Variants in ARHGEF12 observed in about 807,000 individuals in gnomAD.
The protein encoded by ARHGEF12 is Rho guanine nucleotide exchange factor 12.
In ARHGEF12, 66 loss-of-function variants were observed where a neutral mutation model predicts 211.2. That is an observed-to-expected ratio of 0.31 (90% CI 0.26 to 0.38). The LOEUF (loss-of-function observed/expected upper bound fraction) is 0.38. ARHGEF12 is among the 10% of genes least tolerant of loss of function. ARHGEF12 has a pLI of 1.00. For synonymous variants in ARHGEF12, 592 were observed against 638.4 expected (o/e 0.93, Z 1.09); for missense variants, 1,429 against 1,869.5 (o/e 0.76, Z 4.34).
At chr11:120,345,398 A>G (rs1368504592) in intron 1 of ARHGEF12, among the ~76,000 whole-genome samples, 1 of 152,228 alleles carries the variant, frequency 6.6e-6, no homozygotes, top group Non-Finnish European at 1.5e-5. Flanking sequence ...GAAAGTGAGC[A>G]AACTGATAGA....
At chr11:120,423,953 G>T (rs1302819516) in intron 6 of ARHGEF12, among the ~76,000 whole-genome samples, 1 of 152,098 alleles carries the variant, frequency 6.6e-6, no homozygotes, top group Admixed American at 6.5e-5. Context: ...AAAGCAAATT[G>T]AATATTGTGG....
chr11:120,460,530 A>G, intron 26 of ARHGEF12, 142 bp from the exon 27 acceptor site: 1 of 592,174 alleles, frequency 1.7e-6, no homozygotes, highest in Non-Finnish European at 2.9e-6. Flanking sequence ...CTATGTCCAG[A>G]TTTATATTTA....
intron 1 of ARHGEF12, among the ~76,000 whole-genome samples, chr11:120,386,576 C>G (rs1944034696): frequency 6.6e-6 from 1 of 152,016 alleles, no homozygotes. Flanking sequence ...TTACATTATG[C>G]TAGGTTCTTT....
At chr11:120,453,538 G>A (rs1389617008) in intron 22 of ARHGEF12, among the ~76,000 whole-genome samples, 1 of 152,126 alleles carries the variant, frequency 6.6e-6, no homozygotes, top group Non-Finnish European at 1.5e-5. Context: ...AGGGCAACAT[G>A]AAAAGACTGT....
chr11:120,481,994 CG>C (rs1947258062), intron 39 of ARHGEF12, among the ~76,000 whole-genome samples: 1 of 152,100 alleles, frequency 6.6e-6, no homozygotes, highest in Non-Finnish European at 1.5e-5. Context: ...CTCCTGACCT[CG>C]TGATCCGCCT....
chr11:120,432,823 G>T (rs574908570), intron 11 of ARHGEF12, among the ~76,000 whole-genome samples: 88 of 152,268 alleles, frequency 5.8e-4, no homozygotes, highest in African/African-American at 2.0e-3. Flanking sequence ...GGAAGCCGTG[G>T]TCTAAGCCAT....
In ARHGEF12 at chr11:120,441,707, A is replaced by G; in HGVS notation, c.1093A>G (p.Ile365Val). ...DDDFGTEHEQ[I>V]NGQCSCFQSI... ...GATGCATAATCATTTCTTCCTCTAG[A>G]TCAATGGACAGTGCAGCTGTTTCCA... is the stretch of plus-strand genomic sequence containing the variant. The change falls in exon 14 of 41, where the codon ATC (isoleucine) becomes GTC (valine). Residue 365 changes from isoleucine to valine, a missense_variant and splice_region_variant. This residue lies in a region of ARHGEF12 where 254 missense variants were observed against 286.4 expected (regional missense o/e 0.89). Coordinates refer to ENST00000397843, the MANE Select transcript of ARHGEF12 (RefSeq NM_015313.3). 1.2e-6 allele frequency: 2 copies of G among 1,612,600 alleles called. No individual in the cohort carries two copies. Among genetic ancestry groups the G allele is most frequent in the South Asian group, 1.1e-5 (1 of 90,922 alleles).
At chr11:120,484,675 A>G (rs529376402) in intron 40 of ARHGEF12, among the ~76,000 whole-genome samples, 168 bp downstream of exon 40, 68 of 152,214 alleles carry the variant, frequency 4.5e-4, no homozygotes, top group African/African-American at 1.6e-3. Context: ...ATGCCTGCTG[A>G]CTCTACTCTT....
intron 1 of ARHGEF12, among the ~76,000 whole-genome samples, chr11:120,393,824 C>T (rs140653464): frequency 3.0e-3 from 460 of 151,446 alleles, no homozygotes; most frequent in African/African-American, 0.01. Flanking sequence ...GATTTAATTA[C>T]ATTTTTGGAA....
rs373418951 is a variant in ARHGEF12, at chr11:120,431,685, T to C, written c.784-86T>C. On this transcript the variant is annotated intron_variant, in intron 10 of 40. Transcript: ENST00000397843. ...CTTTTAGTAGTCTCCATGTAGATTGTAGTACCACTATTTCTTTATGCAGCA... is the reference window on the plus strand; with the variant it reads ...CTTTTAGTAGTCTCCATGTAGATTGCAGTACCACTATTTCTTTATGCAGCA... 97 of 1,374,160 alleles carry C rather than the reference T, an allele frequency of 7.1e-5. No homozygotes were observed. The East Asian group carries it at 1.6e-3, about 23-fold the overall frequency. The allele number at this position is 1,374,160 out of a possible 1,614,324, so 85.1% of individuals were successfully genotyped here.
intron 28 of ARHGEF12, among the ~76,000 whole-genome samples, chr11:120,466,098 G>T (rs751177212): frequency 6.6e-6 from 1 of 152,178 alleles, no homozygotes; most frequent in Non-Finnish European, 1.5e-5. Context: ...AAACATGGCC[G>T]CTTGACAGAT....
rs114326719 is a variant in ARHGEF12, at chr11:120,372,459, A to G, written c.33-33659A>G. Among the ~76,000 whole-genome samples, 623 of 152,236 alleles carry G rather than the reference A, an allele frequency of 4.1e-3. 8 individuals carry two copies. The highest frequency in any genetic ancestry group is 0.014 in the African/African-American group (563 of 41,542). Reference sequence around the variant, plus strand: ...ACCCTGTCATATACTGGCCCAGTACAAAGTTCTTTCTGACAAGCCTTTCTA... The same window carrying G: ...ACCCTGTCATATACTGGCCCAGTACGAAGTTCTTTCTGACAAGCCTTTCTA... On this transcript the variant is annotated intron_variant, in intron 1 of 40. Transcript: ENST00000397843.
In ARHGEF12 at chr11:120,367,404, C is replaced by T. The variant is rs565053704; in HGVS notation, c.32+30129C>T. On this transcript the variant is annotated intron_variant, in intron 1 of 40. Transcript: ENST00000397843. ...TTTTTGAGGTGGAGTCTCGCTCTGT[C>T]GCCCAGGCTGGAGTACAGTGGTGTG... Among the ~76,000 whole-genome samples the T allele has an allele frequency of 7.5e-3, 775 of 103,498 alleles. 6 individuals are homozygous for T. Among genetic ancestry groups the T allele is most frequent in the South Asian group, 0.015 (42 of 2,736 alleles). 67.9% of individuals were successfully genotyped at this position (103,498 alleles called of 152,430 possible). A position where few individuals can be genotyped will look rare whatever the true frequency, so the allele number is the denominator to read the frequency against.
At chr11:120,367,572 G>T (rs1013308356) in intron 1 of ARHGEF12, among the ~76,000 whole-genome samples, 1 of 151,886 alleles carries the variant, frequency 6.6e-6, no homozygotes. Flanking sequence ...CACCATGTTG[G>T]TCAGGCTGGT....
intron 4 of ARHGEF12, among the ~76,000 whole-genome samples, chr11:120,414,870 G>C (rs1321324900): frequency 2.0e-5 from 3 of 152,166 alleles, no homozygotes; most frequent in Non-Finnish European, 2.9e-5. Context: ...GGGATTACAG[G>C]TGTGATCCAC....
At position 120,483,427 on chromosome 11, in the gene ARHGEF12, AT is replaced by A. The variant is rs375679841; in HGVS notation, c.4555-996del. Among the ~76,000 whole-genome samples the A allele has an allele frequency of 5.3e-3, 643 of 120,892 alleles. 2 individuals are homozygous for A. Among genetic ancestry groups the A allele is most frequent in the African/African-American group, 0.013 (395 of 31,166 alleles). The allele number at this position is 120,892 out of a possible 152,430, so 79.3% of individuals were successfully genotyped here. On this transcript the variant is annotated intron_variant, in intron 39 of 40. Coordinates refer to ENST00000397843, the MANE Select transcript of ARHGEF12 (RefSeq NM_015313.3). ...AGGCACCACCACCATGCCCAGATAA[AT>A]TTTTTTTTTTTTTTAAATGGAGTCT...
intron 4 of ARHGEF12, among the ~76,000 whole-genome samples, chr11:120,412,076 T>A (rs900181455): frequency 1.3e-5 from 2 of 152,232 alleles, no homozygotes; most frequent in African/African-American, 4.8e-5. Flanking sequence ...GGTTATTTAT[T>A]CCATTTCCCC....
chr11:120,370,594 T>C (rs1275764121), intron 1 of ARHGEF12, among the ~76,000 whole-genome samples: 1 of 152,178 alleles, frequency 6.6e-6, no homozygotes, highest in Non-Finnish European at 1.5e-5. Flanking sequence ...TGTCTTCCTA[T>C]ACATGAACGT....
Position 120,336,831 on chromosome 11 carries a change from G to A in ARHGEF12, c.-413G>A, listed in dbSNP as rs1942364984. The A allele has an allele frequency of 2.9e-6, 1 of 348,038 alleles. No individual in the cohort carries two copies. The highest frequency in any genetic ancestry group is 2.1e-5 in the African/African-American group (1 of 47,834). 21.6% of individuals were successfully genotyped at this position (348,038 alleles called of 1,614,324 possible). ...GAGGGAGGGCCCCGGCCCTTGCCGC[G>A]GCGGGGAGTTCGAGGCCCCGAGACT... is the stretch of plus-strand genomic sequence containing the variant. On this transcript the variant is annotated 5_prime_UTR_variant, in exon 1 of 41. Transcript: ENST00000397843.
Sources: gnomAD v4.1 joint callset for allele counts (sites outside exome capture counted in the v4.1 genomes callset) on GRCh38, gnomAD v4.1.1 for gene constraint, gnomAD v4.1.1 regional missense constraint, MANE v1.5 for transcripts, NCBI Gene and HGNC (gene_info 2026-07-23, HGNC 2026-07-21) for gene names.